The following KCNT2 variants were observed in gnomAD, a reference collection of about 807,000 sequenced individuals.
The protein encoded by KCNT2 is potassium channel subfamily T member 2.
A neutral mutation model predicts 153.8 loss-of-function variants in KCNT2; 67 were observed. The ratio of observed to expected loss-of-function variants is 0.44; its 90% CI spans 0.36 to 0.53. KCNT2 has a LOEUF of 0.53. Among genes scored for constraint, KCNT2 ranks in the 20% least tolerant of loss-of-function variants. The pLI is 0.00. For missense variants in KCNT2, 975 were observed against 1,354.8 expected (o/e 0.72, Z 4.40); for synonymous variants, 500 against 458.8 (o/e 1.09, Z -1.15).
At chr1:196,396,254 G>A (rs191116229) in intron 13 of KCNT2, among the ~76,000 whole-genome samples, 58 of 151,740 alleles carry the variant, frequency 3.8e-4, no homozygotes, top group Admixed American at 7.2e-4. Context: ...GAACCAGTAT[G>A]ACCTTTTAAG....
intron 14 of KCNT2, among the ~76,000 whole-genome samples, chr1:196,357,067 T>A (rs1667233445): frequency 6.6e-6 from 1 of 151,968 alleles, no homozygotes; most frequent in South Asian, 2.1e-4. Flanking sequence ...GCTACCCTCT[T>A]CATTTCCATA....
intron 9 of KCNT2, 116 bp from the exon 10 acceptor site, chr1:196,428,385 T>C: frequency 1.4e-6 from 1 of 705,532 alleles, no homozygotes; most frequent in Non-Finnish European, 2.4e-6. Flanking sequence ...CTCATTGAGA[T>C]TCTAATTGTC....
chr1:196,332,130 C>A (rs894737845), intron 17 of KCNT2, among the ~76,000 whole-genome samples: 2 of 152,070 alleles, frequency 1.3e-5, no homozygotes, highest in African/African-American at 2.4e-5. Flanking sequence ...ACTATTTTAT[C>A]TTAAAGAAGA....
At position 196,236,070 on chromosome 1, in the gene KCNT2, T is replaced by C; in HGVS notation, c.3212A>G (p.Asp1071Gly). The change falls in exon 27 of 28, where the codon GAT becomes GGT. Residue 1071 changes from aspartate (D) to glycine (G), a missense_variant and splice_region_variant. Transcript: ENST00000294725. Reference sequence around the variant, plus strand: ...GGTACTTTGATGATCATTCATTTCATCTAGAAGATAAATAAATGCCAAGTT... The same window carrying C: ...GGTACTTTGATGATCATTCATTTCACCTAGAAGATAAATAAATGCCAAGTT... ...KHLGLSTVGY[D>G]EMNDHQSTLS... is the part of the protein sequence containing the mutation. 1 of 1,559,524 alleles carries C rather than the reference T, an allele frequency of 6.4e-7. No homozygotes were observed. Among genetic ancestry groups the C allele is most frequent in the Non-Finnish European group, 8.8e-7 (1 of 1,131,644 alleles).
At chr1:196,505,270 A>G in intron 1 of KCNT2, among the ~76,000 whole-genome samples, 1 of 152,144 alleles carries the variant, frequency 6.6e-6, no homozygotes, top group Non-Finnish European at 1.5e-5. Context: ...TATAAGGTGT[A>G]AGGAAGGGAT....
At chr1:196,277,268 C>G (rs925757572) in intron 25 of KCNT2, among the ~76,000 whole-genome samples, 16 of 152,152 alleles carry the variant, frequency 1.1e-4, no homozygotes, top group Admixed American at 1.0e-3. Context: ...TAACTGAAAG[C>G]TCTGGGTGAG....
rs553928159 is a variant in KCNT2 at position 196,418,671 on chromosome 1, C to A, written c.1185+4379G>T. Among the ~76,000 whole-genome samples the A allele has an allele frequency of 5.3e-5, 8 of 152,188 alleles. No homozygotes were observed. In the South Asian group the frequency reaches 1.7e-3, roughly 32 times the overall value. On this transcript the variant is annotated intron_variant, in intron 12 of 27. Transcript: ENST00000294725. The stretch of plus-strand genomic sequence containing the variant: ...CTGGTATCTCTGTATATCCTATCAT[C>A]TTATTCTCCTCTTACAAGGACATCA...
chr1:196,402,120 C>T (rs775523533), intron 12 of KCNT2, among the ~76,000 whole-genome samples: 14 of 151,426 alleles, frequency 9.2e-5, no homozygotes, highest in Non-Finnish European at 2.1e-4. Flanking sequence ...AAGAAATGTA[C>T]TTTCCTTATT....
Position 196,267,600 on chromosome 1 carries a change from C to T in KCNT2, c.2911-9106G>A, listed in dbSNP as rs551860146. Among the ~76,000 whole-genome samples the T allele has an allele frequency of 2.6e-5, 4 of 152,290 alleles. No individual in the cohort carries two copies. The South Asian group carries it at 8.3e-4, about 32-fold the overall frequency. On this transcript the variant is annotated intron_variant, in intron 25 of 27. Transcript: ENST00000294725. ...ACATTGTTCACCTCTTCTACTGCCT[C>T]CTGCATCAACCACAGTGGTGCTCGT...
chr1:196,551,226 T>G (rs973717551), intron 1 of KCNT2, among the ~76,000 whole-genome samples: 3 of 151,868 alleles, frequency 2.0e-5, no homozygotes, highest in African/African-American at 4.8e-5. Flanking sequence ...TCTGTTGAAT[T>G]GTTTTCATCG....
rs370930727 is a variant in KCNT2 at position 196,340,540 on chromosome 1, C to T, written c.1584G>A (p.Arg528=). Residue 528 remains arginine, a synonymous_variant, in exon 16 of 28, where the codon AGG becomes AGA. Coordinates refer to ENST00000294725, the MANE Select transcript of KCNT2 (RefSeq NM_198503.5). ...KFGVCLIGVR[R]EDNKNILLNP... is the part of the protein sequence containing the mutation. ...TCAGCAAAATGTTTTTATTATCCTC[C>T]CTCCTAACACCAATCAAGCAGACGC... The T allele has an allele frequency of 1.1e-5, 18 of 1,588,406 alleles. No homozygotes were observed. Among genetic ancestry groups the T allele is most frequent in the Non-Finnish European group, 1.5e-5 (18 of 1,169,080 alleles).
chr1:196,295,990 T>C (rs1314554881), intron 22 of KCNT2, among the ~76,000 whole-genome samples: 1 of 152,008 alleles, frequency 6.6e-6, no homozygotes, highest in African/African-American at 2.4e-5. Flanking sequence ...GACTACTTTG[T>C]TGTTTTGATA....
At chr1:196,594,204 C>T (rs984581855) in intron 1 of KCNT2, among the ~76,000 whole-genome samples, 1 of 152,138 alleles carries the variant, frequency 6.6e-6, no homozygotes, top group Non-Finnish European at 1.5e-5. Context: ...GTCATTTGAA[C>T]TGTCACAGTA....
chr1:196,394,721 C>T (rs1353695575), intron 13 of KCNT2, among the ~76,000 whole-genome samples: 1 of 151,300 alleles, frequency 6.6e-6, no homozygotes, highest in African/African-American at 2.4e-5. Context: ...TTTTAATTTT[C>T]CTTGTAGAGA....
At chr1:196,444,640 G>A (rs1209874723) in intron 8 of KCNT2, among the ~76,000 whole-genome samples, 2 of 151,330 alleles carry the variant, frequency 1.3e-5, no homozygotes, top group African/African-American at 2.4e-5. Flanking sequence ...TTCGAGTAGG[G>A]CAAATGTGAA....
At chr1:196,349,215 T>C (rs1466958791) in intron 14 of KCNT2, among the ~76,000 whole-genome samples, 2 of 152,176 alleles carry the variant, frequency 1.3e-5, no homozygotes, top group Non-Finnish European at 2.9e-5. Context: ...AAAAGCAGTC[T>C]AGTGAAGTAA....
chr1:196,446,349 T>A (rs1480967201), intron 8 of KCNT2, among the ~76,000 whole-genome samples: 1 of 151,476 alleles, frequency 6.6e-6, no homozygotes, highest in African/African-American at 2.4e-5. Context: ...TTATCTTCAT[T>A]CTTAGCAATT....
chr1:196,249,955 A>T (rs1655804362), intron 26 of KCNT2, among the ~76,000 whole-genome samples: 1 of 152,068 alleles, frequency 6.6e-6, no homozygotes, highest in Non-Finnish European at 1.5e-5. Context: ...AAGAGGACAA[A>T]AAAATTTGAA....
intron 1 of KCNT2, among the ~76,000 whole-genome samples, chr1:196,555,681 A>G (rs1197765646): frequency 6.6e-6 from 1 of 151,260 alleles, no homozygotes; most frequent in Non-Finnish European, 1.5e-5. Context: ...CAAAACACCC[A>G]GATAGCAAAG....
Sources: gnomAD v4.1 joint callset for allele counts (sites outside exome capture counted in the v4.1 genomes callset) on GRCh38, gnomAD v4.1.1 for gene constraint, MANE v1.5 for transcripts, NCBI Gene and HGNC (gene_info 2026-07-23, HGNC 2026-07-21) for gene names.